The following PCDH11X variants were observed in gnomAD, a reference collection of about 807,000 sequenced individuals.
PCDH11X encodes the protein protocadherin-11 X-linked.
Under a neutral mutation model 53.3 loss-of-function variants are expected in PCDH11X, and 18 were observed. The observed-to-expected ratio is 0.34, with a 90% CI of 0.23 to 0.50. The LOEUF is 0.50. Among genes scored for constraint, PCDH11X ranks in the 20% least tolerant of loss-of-function variants. The pLI, the probability that PCDH11X is intolerant of heterozygous loss-of-function variation, is 0.98. For synonymous variants in PCDH11X, 279 were observed against 393.3 expected (o/e 0.71, Z 3.44); for missense variants, 570 against 1,032.4 (o/e 0.55, Z 6.14).
intron 6 of PCDH11X, among the ~76,000 whole-genome samples, chrX:92,162,540 A>G (rs2065662565): frequency 9.1e-6 from 1 of 109,740 alleles, no homozygotes; most frequent in African/African-American, 3.3e-5. Flanking sequence ...TTGATGTAGT[A>G]CTCTTCCCCT....
intron 5 of PCDH11X, among the ~76,000 whole-genome samples, chrX:91,840,751 T>C (rs1406125599): frequency 1.8e-5 from 2 of 109,502 alleles, no homozygotes; most frequent in Admixed American, 2.0e-4. Context: ...TTTTTTAACA[T>C]TATGTAACCA....
intron 10 of PCDH11X, among the ~76,000 whole-genome samples, chrX:92,508,039 T>C (rs1383763823): frequency 9.1e-6 from 1 of 110,381 alleles, no homozygotes; most frequent in Non-Finnish European, 1.9e-5. Flanking sequence ...GGTCTCAAGC[T>C]CCTGGCCTCA....
intron 9 of PCDH11X, among the ~76,000 whole-genome samples, chrX:92,389,808 A>G (rs2071085566): frequency 9.1e-6 from 1 of 110,039 alleles, no homozygotes; most frequent in Non-Finnish European, 1.9e-5. Flanking sequence ...GCTAGCATCA[A>G]TGTATTAGCT....
intron 8 of PCDH11X, among the ~76,000 whole-genome samples, chrX:92,358,178 A>G (rs1298563409): frequency 1.9e-5 from 2 of 104,530 alleles, no homozygotes; most frequent in Non-Finnish European, 3.9e-5. Context: ...CATAGCTAAA[A>G]AAATTATAGG....
chrX:91,817,049 T>C (rs1319734844), intron 4 of PCDH11X, among the ~76,000 whole-genome samples: 1 of 110,091 alleles, frequency 9.1e-6, no homozygotes, highest in African/African-American at 3.3e-5. Context: ...CCCAATATAC[T>C]AAAGATTATC....
intron 7 of PCDH11X, among the ~76,000 whole-genome samples, chrX:92,224,271 T>C (rs182423964): frequency 8.9e-5 from 10 of 112,277 alleles, no homozygotes; most frequent in Admixed American, 7.6e-4. Context: ...AAGGCAACAC[T>C]GGGGTAATTT....
chrX:91,835,979 A>T lies in PCDH11X; in HGVS notation c.475A>T (p.Thr159Ser), dbSNP rs1937284084. 1.7e-6 allele frequency: 2 copies of T among 1,208,276 alleles called. No homozygotes were observed. The highest frequency in any genetic ancestry group is 2.2e-5 in the Admixed American group (1 of 45,415). The change falls in exon 5 of 11, where the codon ACT becomes TCT. Residue 159 changes from threonine (T) to serine (S), a missense_variant. By Grantham distance (58) the Thr-to-Ser change is moderately conservative (BLOSUM62 1). Coordinates refer to ENST00000682573, the MANE Select transcript of PCDH11X (RefSeq NM_032968.5). The stretch of plus-strand genomic sequence containing the variant: ...GAACTCGGCTATAAACTCTAAATAT[A>T]CTCTCCCAGCGGCTGTTGATCCTGA... The part of the protein sequence containing the change: ...PENSAINSKY[T>S]LPAAVDPDVG...
chrX:92,041,333 A>G (rs906048507), intron 6 of PCDH11X, among the ~76,000 whole-genome samples: 19 of 110,738 alleles, frequency 1.7e-4, no homozygotes, highest in African/African-American at 5.9e-4. Context: ...TTCTTATACA[A>G]TCACCAAATC....
Position 92,069,983 on chromosome X carries a change from A to G in PCDH11X, c.3034-131392A>G, listed in dbSNP as rs375836988. Among the ~76,000 whole-genome samples the G allele has an allele frequency of 5.4e-5, 6 of 111,270 alleles. No homozygotes were observed. In the East Asian group the frequency reaches 1.7e-3, roughly 32 times the overall value. On this transcript the variant is annotated intron_variant, in intron 6 of 10. Transcript: ENST00000682573. ...TTACAGTCTTGAGCCACAGCAACCA[A>G]CCTGATTTTTTAAATGGATAACAAT...
chrX:92,536,200 C>T (rs1390661241), intron 10 of PCDH11X, among the ~76,000 whole-genome samples: 2 of 111,213 alleles, frequency 1.8e-5, no homozygotes, highest in African/African-American at 3.3e-5. Context: ...TTAGTACTTA[C>T]GATTGCATTA....
chrX:92,512,129 T>C (rs2074171466), intron 10 of PCDH11X, among the ~76,000 whole-genome samples: 1 of 106,380 alleles, frequency 9.4e-6, no homozygotes, highest in Non-Finnish European at 1.9e-5. Context: ...GAAGCTGATT[T>C]CACATACCAT....
chrX:92,245,953 T>A (rs187149874), intron 7 of PCDH11X, among the ~76,000 whole-genome samples: 110 of 111,969 alleles, frequency 9.8e-4, no homozygotes, highest in African/African-American at 3.5e-3. Flanking sequence ...GTTACTTGCA[T>A]ATTTAAAAAT....
intron 9 of PCDH11X, among the ~76,000 whole-genome samples, chrX:92,446,788 G>A (rs972788030): frequency 2.7e-5 from 3 of 111,557 alleles, no homozygotes; most frequent in African/African-American, 9.8e-5. Flanking sequence ...GTAACAAGCA[G>A]GGGTTGGAAC....
intron 6 of PCDH11X, among the ~76,000 whole-genome samples, chrX:92,102,407 C>T (rs2064278186): frequency 9.0e-6 from 1 of 111,312 alleles, no homozygotes; most frequent in Non-Finnish European, 1.9e-5. Context: ...TCAGTCCTGG[C>T]TCTTGTTTAA....
chrX:92,312,221 C>G (rs1463629044), intron 8 of PCDH11X, among the ~76,000 whole-genome samples: 3 of 110,996 alleles, frequency 2.7e-5, no homozygotes, highest in Non-Finnish European at 5.7e-5. Flanking sequence ...TTTCACAAAA[C>G]ATAGTTGATT....
chrX:91,985,876 G>A (rs1238452296), intron 6 of PCDH11X, among the ~76,000 whole-genome samples: 1 of 105,095 alleles, frequency 9.5e-6, no homozygotes, highest in East Asian at 2.9e-4. Context: ...ATGCTAGTAT[G>A]GAAAATTGTC....
intron 6 of PCDH11X, among the ~76,000 whole-genome samples, chrX:91,980,511 C>A (rs1327271414): frequency 2.7e-5 from 3 of 111,236 alleles, no homozygotes; most frequent in African/African-American, 9.8e-5. Context: ...AGGATCTCGC[C>A]CAGGCTGTAG....
intron 6 of PCDH11X, among the ~76,000 whole-genome samples, chrX:92,160,139 G>T (rs181445000): frequency 0.012 from 1,319 of 106,815 alleles, 23 homozygotes; most frequent in African/African-American, 0.045. Context: ...TGTCTCTACT[G>T]GCCAGCTGTT....
At chrX:91,801,687 T>C (rs1339329126) in intron 1 of PCDH11X, among the ~76,000 whole-genome samples, 2 of 112,160 alleles carry the variant, frequency 1.8e-5, no homozygotes, top group African/African-American at 6.5e-5. Flanking sequence ...TAATTACTAA[T>C]GATTTGTTTT....
Sources: allele counts gnomAD v4.1 joint callset (sites outside exome capture counted in the v4.1 genomes callset), GRCh38; gene constraint gnomAD v4.1.1; transcripts MANE v1.5; gene names NCBI Gene and HGNC (gene_info 2026-07-23, HGNC 2026-07-21).